The following COL19A1 variants were observed in gnomAD, a reference collection of about 807,000 sequenced individuals.
The protein encoded by COL19A1 is collagen type XIX alpha 1 chain.
A neutral mutation model predicts 190.2 loss-of-function variants in COL19A1; 159 were observed. The observed-to-expected ratio is 0.84, with a 90% CI of 0.73 to 0.95. The LOEUF (loss-of-function observed/expected upper bound fraction) is 0.95, where lower values mean the gene tolerates loss of function less well. COL19A1 is among the 40% of genes least tolerant of loss of function. COL19A1 has a pLI of 0.00. For missense variants in COL19A1, 1,418 were observed against 1,431.9 expected, an observed-to-expected ratio of 0.99 and a Z score of 0.16; for synonymous variants, 509 against 458.9, an observed-to-expected ratio of 1.11 and a Z score of -1.39.
At chr6:70,115,820 G>GTTTTTT (rs1562188351) in intron 16 of COL19A1, among the ~76,000 whole-genome samples, 2 of 78,714 alleles carry the variant, frequency 2.5e-5, no homozygotes, top group African/African-American at 1.2e-4. Context: ...GTTTTTTGGT[G>GTTTTTT]TTTTGTTTTT....
intron 9 of COL19A1, among the ~76,000 whole-genome samples, chr6:69,949,264 AGCACTG>A (rs1312932779): frequency 6.6e-6 from 1 of 151,830 alleles, no homozygotes; most frequent in Non-Finnish European, 1.5e-5. Flanking sequence ...TACCTATAGA[AGCACTG>A]AGTCTTTGAC....
At chr6:70,024,807 C>G (rs1205671754) in intron 12 of COL19A1, among the ~76,000 whole-genome samples, 3 of 152,222 alleles carry the variant, frequency 2.0e-5, no homozygotes, top group Non-Finnish European at 4.4e-5. Context: ...ATGGGAGTCT[C>G]TGCATCTTCT....
Position 69,927,985 on chromosome 6 carries a change from G to A in COL19A1, c.343G>A (p.Glu115Lys). The change falls in exon 5 of 51, where the codon GAA becomes AAA. Residue 115 changes from glutamate (E) to lysine (K), a missense_variant. By Grantham distance (56) the Glu-to-Lys change is moderately conservative. Coordinates refer to ENST00000620364, the MANE Select transcript of COL19A1 (RefSeq NM_001858.6). Reference sequence around the variant, plus strand: ...TCGAGTACGAAGAAACGCCAAAAAGGAACGGTGGTTTCTGTGGCAGGTTTT... The same window carrying A: ...TCGAGTACGAAGAAACGCCAAAAAGAAACGGTGGTTTCTGTGGCAGGTTTT... ...MFRVRRNAKK[E>K]RWFLWQVLNQ... 6.2e-7 allele frequency: 1 copy of A among 1,613,310 alleles called. No individual in the cohort carries two copies.
chr6:70,125,820 C>G (rs1785160432), intron 17 of COL19A1, among the ~76,000 whole-genome samples: 1 of 152,184 alleles, frequency 6.6e-6, no homozygotes, highest in Admixed American at 6.5e-5. Flanking sequence ...GCATATTCTT[C>G]CCCTCAAGGA....
chr6:69,925,590 A>C (rs1264912653), intron 4 of COL19A1, among the ~76,000 whole-genome samples: 2 of 152,126 alleles, frequency 1.3e-5, no homozygotes, highest in Non-Finnish European at 2.9e-5. Context: ...GTTCCATATG[A>C]ACTTTAAAGT....
At chr6:69,891,056 T>C in intron 2 of COL19A1, 1 of 343,702 alleles carries the variant, frequency 2.9e-6, no homozygotes, top group Non-Finnish European at 6.0e-6. Flanking sequence ...CCATTTGGAG[T>C]TTGATGGCCT....
chr6:69,927,206 T>G (rs1233351648), intron 4 of COL19A1, among the ~76,000 whole-genome samples: 1 of 152,092 alleles, frequency 6.6e-6, no homozygotes. Flanking sequence ...TAGATAAATA[T>G]AAAAGCCAGA....
At chr6:69,943,075 A>G (rs1773576801) in intron 9 of COL19A1, among the ~76,000 whole-genome samples, 1 of 151,970 alleles carries the variant, frequency 6.6e-6, no homozygotes, top group Non-Finnish European at 1.5e-5. Context: ...TTGGTCATTT[A>G]GATAATAGCC....
intron 9 of COL19A1, among the ~76,000 whole-genome samples, chr6:69,947,061 C>G (rs1204184597): frequency 6.6e-6 from 1 of 151,828 alleles, no homozygotes; most frequent in Non-Finnish European, 1.5e-5. Context: ...CTCTCTGGCC[C>G]TTTGTTGAAA....
intron 48 of COL19A1, among the ~76,000 whole-genome samples, chr6:70,190,815 C>T (rs1423141379): frequency 1.3e-5 from 2 of 152,078 alleles, no homozygotes; most frequent in Non-Finnish European, 2.9e-5. Context: ...TTTATTTAGA[C>T]CAAAGTCAGC....
chr6:70,088,741 G>A (rs1782734785), intron 15 of COL19A1, among the ~76,000 whole-genome samples: 1 of 151,992 alleles, frequency 6.6e-6, no homozygotes, highest in Non-Finnish European at 1.5e-5. Context: ...GCTCCTCGAG[G>A]GCAAGATCTG....
chr6:70,074,660 C>A (rs3793046), intron 15 of COL19A1, among the ~76,000 whole-genome samples: 5,477 of 152,128 alleles, frequency 0.036, 123 homozygotes, highest in Non-Finnish European at 0.055. Context: ...AGTTGCACAT[C>A]CTTACACAGG....
In COL19A1 at chr6:70,197,872, C is replaced by T. The variant is rs545805193; in HGVS notation, c.3095-1736C>T. Among the ~76,000 whole-genome samples, 4 of 152,254 alleles carry T rather than the reference C, an allele frequency of 2.6e-5. No homozygotes were observed. In the South Asian group the frequency reaches 6.2e-4, roughly 24 times the overall value. Reference sequence around the variant, plus strand: ...AATGTGAATGTAGGTGATTACTTTTCGGATAATGTCAGCTAATGCTCTATA... The same window carrying T: ...AATGTGAATGTAGGTGATTACTTTTTGGATAATGTCAGCTAATGCTCTATA... On this transcript the variant is annotated intron_variant, in intron 48 of 50. Coordinates refer to ENST00000620364, the MANE Select transcript of COL19A1 (RefSeq NM_001858.6).
chr6:69,878,523 T>TA (rs1222957289), intron 1 of COL19A1, among the ~76,000 whole-genome samples: 1 of 152,118 alleles, frequency 6.6e-6, no homozygotes, highest in African/African-American at 2.4e-5. Flanking sequence ...TATATATATA[T>TA]TTTTTAAAAG....
intron 9 of COL19A1, among the ~76,000 whole-genome samples, chr6:69,958,821 CTTAGAT>C (rs1422063922): frequency 6.6e-6 from 1 of 151,996 alleles, no homozygotes; most frequent in Non-Finnish European, 1.5e-5. Context: ...GAAAAATTTC[CTTAGAT>C]TTAGACAGAA....
chr6:70,042,842 C>T (rs1779698248), intron 14 of COL19A1, among the ~76,000 whole-genome samples: 1 of 152,128 alleles, frequency 6.6e-6, no homozygotes, highest in Admixed American at 6.5e-5. Flanking sequence ...CTCAGAAAAA[C>T]ATTTTCTTTG....
In COL19A1 at chr6:69,957,188, A is replaced by G. The variant is rs189820242; in HGVS notation, c.937-2808A>G. On this transcript the variant is annotated intron_variant, in intron 9 of 50. Coordinates refer to ENST00000620364, the MANE Select transcript of COL19A1 (RefSeq NM_001858.6). ...ACTTCCAATGTCAAAAGAATCAAGA[A>G]AACTAATAATTTATAGTTTATGACC... is the stretch of plus-strand genomic sequence containing the variant. 8.8e-4 allele frequency among the ~76,000 whole-genome samples: 134 copies of G among 152,230 alleles called. 1 individual carries two copies. Among genetic ancestry groups the G allele is most frequent in the Admixed American group, 5.7e-3 (87 of 15,274 alleles).
chr6:69,931,189 A>G (rs1214875499), intron 6 of COL19A1, among the ~76,000 whole-genome samples: 1 of 152,108 alleles, frequency 6.6e-6, no homozygotes, highest in African/African-American at 2.4e-5. Context: ...GTTTTATTTC[A>G]CCTATCCCAC....
At chr6:69,875,561 A>G (rs56227699) in intron 1 of COL19A1, among the ~76,000 whole-genome samples, 20,142 of 152,120 alleles carry the variant, frequency 0.13, 1,587 homozygotes, top group East Asian at 0.25. Context: ...AGTGGATGTG[A>G]GATGTGTTTG....
Sources: allele counts gnomAD v4.1 joint callset (sites outside exome capture counted in the v4.1 genomes callset), GRCh38; gene constraint gnomAD v4.1.1; transcripts MANE v1.5; gene names NCBI Gene and HGNC (gene_info 2026-07-23, HGNC 2026-07-21).